The following FGD4 variants were observed in gnomAD, a reference collection of about 807,000 sequenced individuals.
FGD4 encodes the protein FYVE, RhoGEF and PH domain containing 4.
In FGD4, 42 loss-of-function variants were observed where a neutral mutation model predicts 102.0. That is an observed-to-expected ratio of 0.41 (90% CI 0.32 to 0.53). The LOEUF is 0.53. Ranked by LOEUF, FGD4 falls within the 20% of genes least tolerant of loss-of-function variation. The pLI is 0.21. For missense variants in FGD4, 902 were observed against 1,078.2 expected (o/e 0.84, Z 2.29); for synonymous variants, 380 against 375.7 (o/e 1.01, Z -0.13).
At chr12:32,439,898 T>G (rs568144511) in intron 1 of FGD4, among the ~76,000 whole-genome samples, 1 of 152,268 alleles carries the variant, frequency 6.6e-6, no homozygotes, top group African/African-American at 2.4e-5. Context: ...AAATAGCCTA[T>G]CTTCAGGCTC....
At chr12:32,537,275 A>G (rs192736533) in intron 1 of FGD4, among the ~76,000 whole-genome samples, 50 of 152,196 alleles carry the variant, frequency 3.3e-4, no homozygotes, top group Non-Finnish European at 6.5e-4. Context: ...TTTTTCTCTT[A>G]TGTACAATCT....
intron 1 of FGD4, among the ~76,000 whole-genome samples, chr12:32,535,751 A>G (rs1215242021): frequency 6.6e-6 from 1 of 152,156 alleles, no homozygotes; most frequent in African/African-American, 2.4e-5. Flanking sequence ...TTTATCTTCA[A>G]ACAGTTAGAG....
At chr12:32,485,787 A>G in intron 1 of FGD4, 1 of 946,410 alleles carries the variant, frequency 1.1e-6, no homozygotes, top group African/African-American at 1.8e-5. Flanking sequence ...CCTAAATGCC[A>G]TAAATGTAAT....
intron 4 of FGD4, chr12:32,582,814 C>T (rs1439091840): frequency 4.1e-6 from 1 of 246,348 alleles, no homozygotes; most frequent in Non-Finnish European, 7.9e-6. Flanking sequence ...TACTTACGGG[C>T]CAAGCAAGAA....
Position 32,464,302 on chromosome 12 carries a change from A to G in FGD4, c.166+64343A>G, listed in dbSNP as rs145097251. ...CAAGTAGCTGGGACTACAGGCGCGC[A>G]CCACTTCGCCCGGCTAATTTTTTCT... On this transcript the variant is annotated intron_variant, in intron 1 of 16. Coordinates refer to ENST00000534526, the MANE Select transcript of FGD4 (RefSeq NM_001370298.3). Among the ~76,000 whole-genome samples the G allele has an allele frequency of 1.3e-4, 20 of 152,122 alleles. No individual in the cohort carries two copies. In the East Asian group the frequency reaches 2.7e-3, roughly 21 times the overall value.
intron 1 of FGD4, among the ~76,000 whole-genome samples, chr12:32,444,288 G>T (rs531206292): frequency 3.3e-5 from 5 of 152,166 alleles, no homozygotes; most frequent in Admixed American, 6.5e-5. Flanking sequence ...TTCCCAAAGT[G>T]CTGGGGTTAC....
intron 1 of FGD4, among the ~76,000 whole-genome samples, chr12:32,404,576 T>C (rs565501834): frequency 1.2e-4 from 19 of 152,324 alleles, no homozygotes; most frequent in African/African-American, 2.9e-4. Flanking sequence ...TTCAGACTTA[T>C]GTCACTGGCT....
Position 32,482,405 on chromosome 12 carries a change from G to A in FGD4, c.167-81732G>A, listed in dbSNP as rs1378625482. On this transcript the variant is annotated intron_variant, in intron 1 of 16. Transcript: ENST00000534526. ...ACCAATGGTAGCTTACCATTGAAGA[G>A]GAAGTGTGGTTTAGCAACCAGACCT... 4.6e-5 allele frequency among the ~76,000 whole-genome samples: 7 copies of A among 152,316 alleles called. No individual in the cohort carries two copies. The East Asian group carries it at 1.2e-3, about 25-fold the overall frequency.
chr12:32,519,532 G>C (rs989415314), intron 1 of FGD4, among the ~76,000 whole-genome samples: 1 of 152,010 alleles, frequency 6.6e-6, no homozygotes, highest in Non-Finnish European at 1.5e-5. Flanking sequence ...GCTCACACAT[G>C]TAACTCCCAG....
Position 32,576,344 on chromosome 12 carries a change from G to C in FGD4, c.398G>C (p.Ser133Thr). 6.2e-7 allele frequency: 1 copy of C among 1,614,052 alleles called. No individual in the cohort carries two copies. Among genetic ancestry groups the C allele is most frequent in the Non-Finnish European group, 8.5e-7 (1 of 1,179,994 alleles). The change falls in exon 3 of 17, where the codon AGT becomes ACT. Residue 133 changes from serine (S) to threonine (T), a missense_variant. This residue lies in a region of FGD4 where 443 missense variants were observed against 459.2 expected (regional missense o/e 0.96). Transcript: ENST00000534526. ...HQTPRHKALP[S>T]AKPRMEEIKP... is the part of the protein sequence containing the mutation. ...ACCCCCAGGCATAAAGCTTTACCTA[G>C]TGCAAAACCAAGGATGGAGGAAATT...
intron 13 of FGD4, 103 bp downstream of exon 13, chr12:32,625,171 C>T: frequency 1.1e-6 from 1 of 949,278 alleles, no homozygotes; most frequent in Non-Finnish European, 1.7e-6. Context: ...TTTACAATGT[C>T]AGAACTGGCT....
In FGD4 at chr12:32,640,652, C is replaced by A; in HGVS notation, c.*119C>A. Reference sequence around the variant, plus strand: ...GAAAAATATAGGCCCATAAATGCATCTTTTGAGGACTATTTTCCTATGTTT... The same window carrying A: ...GAAAAATATAGGCCCATAAATGCATATTTTGAGGACTATTTTCCTATGTTT... On this transcript the variant is annotated 3_prime_UTR_variant, in exon 17 of 17. Coordinates refer to ENST00000534526, the MANE Select transcript of FGD4 (RefSeq NM_001370298.3). 1 of 1,327,114 alleles carries A rather than the reference C, an allele frequency of 7.5e-7. No homozygotes were observed. The highest frequency in any genetic ancestry group is 1.1e-6 in the Non-Finnish European group (1 of 945,966). 82.2% of individuals were successfully genotyped at this position (1,327,114 alleles called of 1,614,324 possible).
intron 1 of FGD4, among the ~76,000 whole-genome samples, chr12:32,560,479 C>G (rs967660662): frequency 6.6e-6 from 1 of 152,130 alleles, no homozygotes; most frequent in South Asian, 2.1e-4. Context: ...TGGTCTCAAA[C>G]TCCTGGGCTT....
At chr12:32,425,548 T>A (rs1941801469) in intron 1 of FGD4, among the ~76,000 whole-genome samples, 1 of 152,188 alleles carries the variant, frequency 6.6e-6, no homozygotes, top group South Asian at 2.1e-4. Context: ...TTGTCTTGGC[T>A]ATATGAGTTC....
chr12:32,463,181 A>G (rs1163655654), intron 1 of FGD4, among the ~76,000 whole-genome samples: 1 of 152,246 alleles, frequency 6.6e-6, no homozygotes, highest in Non-Finnish European at 1.5e-5. Context: ...TAGCTGTGAG[A>G]CAAGATGGAA....
chr12:32,459,071 G>A (rs969254101), intron 1 of FGD4, among the ~76,000 whole-genome samples: 3 of 151,974 alleles, frequency 2.0e-5, no homozygotes, highest in Non-Finnish European at 4.4e-5. Context: ...GAAATCTCTT[G>A]AGTCAACAAC....
At chr12:32,490,705 C>CT (rs1565773498) in intron 1 of FGD4, among the ~76,000 whole-genome samples, 1 of 152,028 alleles carries the variant, frequency 6.6e-6, no homozygotes, top group African/African-American at 2.4e-5. Flanking sequence ...ACTTATTAGT[C>CT]TTTTTTAATG....
chr12:32,585,221 T>G (rs1174784862), intron 4 of FGD4, among the ~76,000 whole-genome samples: 1 of 81,798 alleles, frequency 1.2e-5, no homozygotes, highest in East Asian at 4.4e-4. Flanking sequence ...TCTCAAAAAT[T>G]TTATATATAT....
At chr12:32,552,784 C>CTT (rs71068325) in intron 1 of FGD4, among the ~76,000 whole-genome samples, 10,740 of 144,254 alleles carry the variant, frequency 0.074, 455 homozygotes, top group South Asian at 0.19. Flanking sequence ...TGGAGTGTAC[C>CTT]TTTTTTTTTT....
Sources: allele counts gnomAD v4.1 joint callset (sites outside exome capture counted in the v4.1 genomes callset), GRCh38; gene constraint gnomAD v4.1.1; regional missense constraint gnomAD v4.1.1; transcripts MANE v1.5; gene names NCBI Gene and HGNC (gene_info 2026-07-23, HGNC 2026-07-21).